The following PPP2R5A variants were observed in gnomAD, a reference collection of about 807,000 sequenced individuals.
PPP2R5A encodes the protein protein phosphatase 2 regulatory subunit B'alpha.
A neutral mutation model predicts 64.2 loss-of-function variants in PPP2R5A; 25 were observed. The observed-to-expected ratio is 0.39, with a 90% CI of 0.28 to 0.54. The LOEUF is 0.54. Ranked by LOEUF, PPP2R5A falls within the 20% of genes least tolerant of loss-of-function variation. The probability of loss-of-function intolerance (pLI) is 0.67; values close to 1 mark genes in which losing one functional copy is unlikely to be tolerated. For missense variants in PPP2R5A, 425 were observed against 576.3 expected, an observed-to-expected ratio of 0.74 and a Z score of 2.69; for synonymous variants, 198 against 201.2, an observed-to-expected ratio of 0.98 and a Z score of 0.13.
At chr1:212,343,033 C>T (rs1267660920) in intron 4 of PPP2R5A, among the ~76,000 whole-genome samples, 7 of 152,148 alleles carry the variant, frequency 4.6e-5, no homozygotes, top group Middle Eastern at 3.4e-3. Flanking sequence ...CTTCATCCTC[C>T]GCCTCCTGGG....
At chr1:212,322,916 G>T (rs1322091214) in intron 1 of PPP2R5A, among the ~76,000 whole-genome samples, 1 of 152,124 alleles carries the variant, frequency 6.6e-6, no homozygotes, top group Non-Finnish European at 1.5e-5. Context: ...CTCCCGAGTA[G>T]CTGGGACTGC....
In PPP2R5A at chr1:212,285,893, G is replaced by GCGC; in HGVS notation, c.-215_-213dup. The GCGC allele has an allele frequency of 2.4e-6, 1 of 415,136 alleles. No individual in the cohort carries two copies. Among genetic ancestry groups the GCGC allele is most frequent in the Non-Finnish European group, 4.1e-6 (1 of 242,342 alleles). The allele number at this position is 415,136 out of a possible 1,614,324, so 25.7% of individuals were successfully genotyped here. A position where few individuals can be genotyped will look rare whatever the true frequency, so the allele number is the denominator to read the frequency against. On this transcript the variant is annotated 5_prime_UTR_variant, in exon 1 of 13. Coordinates refer to ENST00000261461, the MANE Select transcript of PPP2R5A (RefSeq NM_006243.4). ...TCCGTCAGCCCCGGGAGCTCGCCGCGCGCCGGGGACCAGGAACCTCCAGCG... is the reference window on the plus strand; with the variant it reads ...TCCGTCAGCCCCGGGAGCTCGCCGCGCGCCGCCGGGGACCAGGAACCTCCAGCG...
intron 1 of PPP2R5A, among the ~76,000 whole-genome samples, chr1:212,319,037 T>G (rs1659210707): frequency 6.6e-6 from 1 of 152,214 alleles, no homozygotes; most frequent in Non-Finnish European, 1.5e-5. Flanking sequence ...CCTTAAATAC[T>G]CATCTCTTAT....
chr1:212,321,748 C>G (rs987806515), intron 1 of PPP2R5A, among the ~76,000 whole-genome samples: 1 of 151,302 alleles, frequency 6.6e-6, no homozygotes, highest in Admixed American at 6.6e-5. Flanking sequence ...AGACGATGGG[C>G]GGCCAGGCAG....
intron 1 of PPP2R5A, among the ~76,000 whole-genome samples, chr1:212,292,022 A>G (rs755270345): frequency 4.6e-5 from 7 of 152,186 alleles, no homozygotes; most frequent in Non-Finnish European, 1.0e-4. Flanking sequence ...GCCTGATACT[A>G]CCATTGTATA....
At chr1:212,350,435 CT>C (rs1659855201) in intron 8 of PPP2R5A, among the ~76,000 whole-genome samples, 1 of 152,108 alleles carries the variant, frequency 6.6e-6, no homozygotes, top group Non-Finnish European at 1.5e-5. Context: ...AGGCAGATAA[CT>C]TGAGGCCAGG....
At chr1:212,317,307 G>A (rs1659174278) in intron 1 of PPP2R5A, among the ~76,000 whole-genome samples, 1 of 142,770 alleles carries the variant, frequency 7.0e-6, no homozygotes, top group Admixed American at 7.1e-5. Flanking sequence ...ATTTTTAACT[G>A]ATATGTACTG....
At chr1:212,291,140 C>T (rs764544446) in intron 1 of PPP2R5A, among the ~76,000 whole-genome samples, 4 of 151,836 alleles carry the variant, frequency 2.6e-5, no homozygotes, top group Non-Finnish European at 4.4e-5. Context: ...GACTGAGTCT[C>T]GCTGTGTCCC....
chr1:212,331,265 GTCC>G (rs2102434149), intron 2 of PPP2R5A, among the ~76,000 whole-genome samples: 1 of 151,374 alleles, frequency 6.6e-6, no homozygotes, highest in African/African-American at 2.4e-5. Flanking sequence ...GGCACAAGCT[GTCC>G]TCCTGCCTAA....
intron 1 of PPP2R5A, among the ~76,000 whole-genome samples, chr1:212,321,970 G>A (rs1187748179): frequency 8.6e-4 from 131 of 151,918 alleles, no homozygotes; most frequent in African/African-American, 2.4e-4. Context: ...CGGATCACTC[G>A]CGGTTAGGAG....
intron 1 of PPP2R5A, among the ~76,000 whole-genome samples, chr1:212,302,380 CTAATT>C (rs1671232766): frequency 6.6e-6 from 1 of 151,994 alleles, no homozygotes; most frequent in African/African-American, 2.4e-5. Flanking sequence ...TTTTATTAAT[CTAATT>C]TAGTATTATA....
At chr1:212,320,092 G>GCCTT (rs1340698834) in intron 1 of PPP2R5A, among the ~76,000 whole-genome samples, 2 of 151,700 alleles carry the variant, frequency 1.3e-5, no homozygotes, top group African/African-American at 4.8e-5. Flanking sequence ...GGACCCTGCG[G>GCCTT]CCTTCCGCAG....
chr1:212,343,735 G>C (rs1334941598), intron 4 of PPP2R5A, among the ~76,000 whole-genome samples: 2 of 152,180 alleles, frequency 1.3e-5, no homozygotes, highest in Non-Finnish European at 2.9e-5. Flanking sequence ...TCCTTGTGCA[G>C]CTCTTGTGTG....
At chr1:212,300,915 G>A (rs993006779) in intron 1 of PPP2R5A, among the ~76,000 whole-genome samples, 1 of 152,030 alleles carries the variant, frequency 6.6e-6, no homozygotes, top group Non-Finnish European at 1.5e-5. Context: ...CAGGGTTCTT[G>A]GATTTCCCCA....
intron 3 of PPP2R5A, among the ~76,000 whole-genome samples, chr1:212,335,007 C>T (rs1408824752): frequency 6.6e-6 from 1 of 151,876 alleles, no homozygotes; most frequent in Non-Finnish European, 1.5e-5. Context: ...TCTTCTGGGA[C>T]TCTCATTTAT....
At chr1:212,319,744 C>T (rs1403831113) in intron 1 of PPP2R5A, among the ~76,000 whole-genome samples, 1 of 150,964 alleles carries the variant, frequency 6.6e-6, no homozygotes, top group Non-Finnish European at 1.5e-5. Context: ...TCTCAGTCTC[C>T]CGAGTAGCTG....
chr1:212,293,146 A>T (rs900812915), intron 1 of PPP2R5A, among the ~76,000 whole-genome samples: 1 of 152,232 alleles, frequency 6.6e-6, no homozygotes, highest in Non-Finnish European at 1.5e-5. Context: ...TGGGTCCTTA[A>T]TATCTTGGTA....
chr1:212,293,200 T>A (rs893728835), intron 1 of PPP2R5A, among the ~76,000 whole-genome samples: 1 of 152,234 alleles, frequency 6.6e-6, no homozygotes, highest in Non-Finnish European at 1.5e-5. Context: ...TATTTGTATT[T>A]TGCCAATGAC....
At chr1:212,349,115 T>C (rs1659833100) in intron 7 of PPP2R5A, 74 bp from the exon 8 acceptor site, 7 of 1,022,378 alleles carry the variant, frequency 6.8e-6, no homozygotes, top group African/African-American at 1.7e-5. Context: ...CTAAAAAATA[T>C]TGGCTAAATA....
Sources: allele counts gnomAD v4.1 joint callset (sites outside exome capture counted in the v4.1 genomes callset), GRCh38; gene constraint gnomAD v4.1.1; transcripts MANE v1.5; gene names NCBI Gene and HGNC (gene_info 2026-07-23, HGNC 2026-07-21).